Variants in SLC12A1 observed in about 807,000 individuals in gnomAD.
SLC12A1 encodes the protein solute carrier family 12 member 1.
SLC12A1 carries 89 observed loss-of-function variants against 130.4 expected under a neutral mutation model. The observed-to-expected ratio is 0.68, with a 90% confidence interval of 0.58 to 0.81. SLC12A1 has a LOEUF of 0.81. SLC12A1 is among the 40% of genes least tolerant of loss of function. The pLI, the probability that SLC12A1 is intolerant of heterozygous loss-of-function variation, is 0.00. For synonymous variants in SLC12A1, 499 were observed against 460.0 expected, an observed-to-expected ratio of 1.08 and a Z score of -1.09; for missense variants, 1,310 against 1,336.4, an observed-to-expected ratio of 0.98 and a Z score of 0.31.
chr15:48,262,739 G>A (rs187749634), intron 17 of SLC12A1, among the ~76,000 whole-genome samples: 5 of 152,170 alleles, frequency 3.3e-5, no homozygotes, highest in African/African-American at 1.2e-4. Flanking sequence ...TTAAATATGT[G>A]GGTCATTTGT....
At chr15:48,236,092 A>AACACACACAC (rs56371843) in intron 9 of SLC12A1, among the ~76,000 whole-genome samples, 16 of 145,892 alleles carry the variant, frequency 1.1e-4, no homozygotes, top group African/African-American at 3.8e-4. Context: ...AGCCATTTCT[A>AACACACACAC]ACACACACAC....
chr15:48,251,745 C>T lies in SLC12A1; in HGVS notation c.1917C>T (p.Tyr639=), dbSNP rs375445813. The change falls in exon 15 of 27, where the codon TAC becomes TAT. Residue 639 remains tyrosine (Y), a synonymous_variant. Coordinates refer to ENST00000380993, the MANE Select transcript of SLC12A1 (RefSeq NM_000338.3). ...VITYVIEFFL[Y]VYVTCKKPDV... ...CCTATGTCATTGAATTCTTCCTTTA[C>T]GTCTATGTGACTTGTAAGAAGCCAG... is the stretch of plus-strand genomic sequence containing the variant. 9.9e-6 allele frequency: 16 copies of T among 1,613,866 alleles called. No homozygotes were observed. Among genetic ancestry groups the T allele is most frequent in the South Asian group, 2.2e-5 (2 of 91,070 alleles).
intron 21 of SLC12A1, 76 bp downstream of exon 21, chr15:48,285,325 C>T (rs2042046434): frequency 7.0e-7 from 1 of 1,435,352 alleles, no homozygotes. Flanking sequence ...AGTCCGAAGT[C>T]AGCATCTAAG....
At chr15:48,240,052 T>TATATATATATATATATCC (rs2041491663) in intron 9 of SLC12A1, among the ~76,000 whole-genome samples, 6 of 32,882 alleles carry the variant, frequency 1.8e-4, no homozygotes, top group Non-Finnish European at 4.1e-4. Flanking sequence ...TATATATCCA[T>TATATATATATATATATCC]ATATATATAT....
rs1465053852 is a variant in SLC12A1 at position 48,303,652 on chromosome 15, C to A, written c.*767C>A. 2 of 152,142 alleles carry A rather than the reference C, an allele frequency of 1.3e-5. No individual in the cohort carries two copies. The allele number at this position is 152,142 out of a possible 1,614,324, so 9.4% of individuals were successfully genotyped here. On this transcript the variant is annotated 3_prime_UTR_variant, in exon 27 of 27. Transcript: ENST00000380993. ...TCAATATATAAACTTTAATTGTACTCCCTATCAAATATTTTGAAATTTCCA... is the reference window on the plus strand; with the variant it reads ...TCAATATATAAACTTTAATTGTACTACCTATCAAATATTTTGAAATTTCCA...
intron 2 of SLC12A1, among the ~76,000 whole-genome samples, chr15:48,215,305 G>A (rs567941789): frequency 1.1e-3 from 167 of 152,234 alleles, no homozygotes; most frequent in African/African-American, 4.0e-3. Context: ...TTGGAGTGGG[G>A]ATAATCTGTT....
intron 9 of SLC12A1, 147 bp downstream of exon 9, chr15:48,235,151 C>T: frequency 2.2e-6 from 2 of 889,136 alleles, no homozygotes; most frequent in Non-Finnish European, 3.7e-6. Context: ...TTTAAAAGTT[C>T]TCTCTTTTAA....
chr15:48,291,702 TAACTC>T, intron 23 of SLC12A1, 71 bp from the exon 24 acceptor site: 1 of 905,490 alleles, frequency 1.1e-6, no homozygotes, highest in Non-Finnish European at 1.8e-6. Flanking sequence ...TTTGATATCT[TAACTC>T]AAACAAAAAA....
chr15:48,208,058 G>A lies in SLC12A1; in HGVS notation c.339G>A (p.Glu113=), dbSNP rs755924943. 2 of 1,613,926 alleles carry A rather than the reference G, an allele frequency of 1.2e-6. No homozygotes were observed. The highest frequency in any genetic ancestry group is 2.2e-5 in the East Asian group (1 of 44,886). Residue 113 remains glutamate (E), a synonymous_variant, in exon 2 of 27, where the codon GAG becomes GAA. Transcript: ENST00000380993. ...HNTMDAVPKI[E]YYRNTGSISG... ...CCATGGATGCCGTTCCCAAGATAGA[G>A]TACTATCGTAACACCGGCAGCATCA...
At chr15:48,261,075 A>G (rs1478158994) in intron 17 of SLC12A1, among the ~76,000 whole-genome samples, 1 of 152,164 alleles carries the variant, frequency 6.6e-6, no homozygotes, top group African/African-American at 2.4e-5. Context: ...CTCTCATATT[A>G]TCAACTCTGG....
At chr15:48,234,055 A>G (rs1180604826) in intron 8 of SLC12A1, among the ~76,000 whole-genome samples, 1 of 152,234 alleles carries the variant, frequency 6.6e-6, no homozygotes, top group East Asian at 1.9e-4. Context: ...ATCTAGGAGT[A>G]AAAAGTAAAG....
chr15:48,275,045 G>C (rs2041936832), intron 20 of SLC12A1, among the ~76,000 whole-genome samples: 1 of 152,156 alleles, frequency 6.6e-6, no homozygotes, highest in Non-Finnish European at 1.5e-5. Flanking sequence ...CTATGAACTG[G>C]TTTGTAGCTA....
In SLC12A1 at chr15:48,264,135, T is replaced by C. The variant is rs150015810; in HGVS notation, c.2155-3426T>C. ...TTCTTCTCATCATTTCACACACGGA[T>C]ACCAAAATGTAAATCTATTTTCATT... On this transcript the variant is annotated intron_variant, in intron 17 of 26. Transcript: ENST00000380993. 4.9e-3 allele frequency among the ~76,000 whole-genome samples: 742 copies of C among 152,336 alleles called. 8 individuals carry two copies. Among genetic ancestry groups the C allele is most frequent in the Middle Eastern group, 0.044 (13 of 294 alleles).
chr15:48,277,409 G>C (rs995395600), intron 20 of SLC12A1, among the ~76,000 whole-genome samples: 2 of 152,008 alleles, frequency 1.3e-5, no homozygotes, highest in African/African-American at 4.8e-5. Context: ...TGTGAGAGTA[G>C]AGTGGTAAAT....
In SLC12A1 at chr15:48,269,774, G is replaced by T; in HGVS notation, c.2402+10G>T. The T allele has an allele frequency of 6.9e-7, 1 of 1,453,708 alleles. No homozygotes were observed. The highest frequency in any genetic ancestry group is 1.1e-5 in the South Asian group (1 of 87,442). 90.1% of individuals were successfully genotyped at this position (1,453,708 alleles called of 1,614,324 possible). Reference sequence around the variant, plus strand: ...ACGTGGGAATCATACAGTAAGTGATGGCTTTCAAGACGTGTTCTTGTTTAT... The same window carrying T: ...ACGTGGGAATCATACAGTAAGTGATTGCTTTCAAGACGTGTTCTTGTTTAT... On this transcript the variant is annotated intron_variant, in intron 19 of 26. Coordinates refer to ENST00000380993, the MANE Select transcript of SLC12A1 (RefSeq NM_000338.3).
intron 8 of SLC12A1, among the ~76,000 whole-genome samples, chr15:48,233,247 T>G (rs1398336164): frequency 6.6e-6 from 1 of 152,200 alleles, no homozygotes; most frequent in African/African-American, 2.4e-5. Context: ...TCTCAGATTT[T>G]CCTGCCAAAA....
At position 48,288,051 on chromosome 15, in the gene SLC12A1, A is replaced by G. The variant is rs1297726752; in HGVS notation, c.2638A>G (p.Ile880Val). Residue 880 changes from isoleucine (I) to valine (V), a missense_variant, in exon 22 of 27, where the codon ATT becomes GTT. By Grantham distance (29) the Ile-to-Val change is conservative. Coordinates refer to ENST00000380993, the MANE Select transcript of SLC12A1 (RefSeq NM_000338.3). ...TKTTPKKDGS[I>V]NTSQSMHVGE... ...TTCCTCTTTCGTTTCAGATGGCAGC[A>G]TTAACACAAGCCAGTCGATGCATGT... 1.2e-6 allele frequency: 2 copies of G among 1,610,650 alleles called. No individual in the cohort carries two copies. The highest frequency in any genetic ancestry group is 2.2e-5 in the South Asian group (2 of 90,056).
In SLC12A1 at chr15:48,291,834, G is replaced by A; in HGVS notation, c.2930G>A (p.Gly977Asp). 6.4e-7 allele frequency: 1 copy of A among 1,571,888 alleles called. No individual in the cohort carries two copies. The highest frequency in any genetic ancestry group is 8.6e-7 in the Non-Finnish European group (1 of 1,156,826). Residue 977 changes from glycine (G) to aspartate (D), a missense_variant, in exon 24 of 27, where the codon GGT becomes GAT. By Grantham distance (94) the Gly-to-Asp change is moderately conservative (BLOSUM62 -1). Transcript: ENST00000380993. ...AAATTTGCAGACATCCATATCATCG[G>A]TGACATCAACATTAGGCCAAACAAA... ...RIKFADIHIIGDINIRPNKES... is the reference protein window; with the variant it reads ...RIKFADIHIIDDINIRPNKES...
Position 48,208,089 on chromosome 15 carries a change from C to A in SLC12A1, c.370C>A (p.Pro124Thr), listed in dbSNP as rs1341702962. Residue 124 changes from proline to threonine, a missense_variant, in exon 2 of 27, where the codon CCC becomes ACC. Transcript: ENST00000380993. ...YYRNTGSISG[P>T]KVNRPSLLEI... ...TCGTAACACCGGCAGCATCAGTGGG[C>A]CCAAGGTCAACCGACCCAGCCTGCT... The A allele has an allele frequency of 6.2e-7, 1 of 1,610,656 alleles. No individual in the cohort carries two copies. Among genetic ancestry groups the A allele is most frequent in the Admixed American group, 1.7e-5 (1 of 59,874 alleles).
Sources: allele counts gnomAD v4.1 joint callset (sites outside exome capture counted in the v4.1 genomes callset), GRCh38; gene constraint gnomAD v4.1.1; transcripts MANE v1.5; gene names NCBI Gene and HGNC (gene_info 2026-07-23, HGNC 2026-07-21).